DHRS7: variants seen among roughly 807,000 people sequenced by gnomAD.
DHRS7 encodes the protein dehydrogenase/reductase SDR family member 7.
Under a neutral mutation model 38.9 loss-of-function variants are expected in DHRS7, and 34 were observed. That is an observed-to-expected ratio of 0.87 (90% CI 0.66 to 1.16). The LOEUF (loss-of-function observed/expected upper bound fraction) is 1.16, where lower values mean the gene tolerates loss of function less well. Ranked by LOEUF, DHRS7 falls within the 50% of genes most tolerant of loss-of-function variation. The probability of loss-of-function intolerance (pLI) is 0.00; values close to 1 mark genes in which losing one functional copy is unlikely to be tolerated. For synonymous variants in DHRS7, 158 were observed against 153.1 expected (o/e 1.03, Z -0.24); for missense variants, 421 against 407.0 (o/e 1.03, Z -0.30).
upstream of DHRS7, chr14:60,166,271 T>G: frequency 1.0e-6 from 1 of 985,458 alleles, no homozygotes; most frequent in East Asian, 1.1e-4. Context: ...GGGTTTTCCA[T>G]TCACAAGCCT....
chr14:60,164,470 T>A (rs1385118124), intron 1 of DHRS7, among the ~76,000 whole-genome samples: 2 of 152,172 alleles, frequency 1.3e-5, no homozygotes, highest in Non-Finnish European at 2.9e-5. Flanking sequence ...TAATAATGCC[T>A]ACCTTGTAAG....
rs533163146 is a variant in DHRS7 at position 60,146,673 on chromosome 14, G to A, written c.973-1660C>T. 7.3e-6 allele frequency: 1 copy of A among 136,640 alleles called. No homozygotes were observed. The highest frequency in any genetic ancestry group is 2.2e-4 in the East Asian group (1 of 4,622). The allele number at this position is 136,640 out of a possible 1,614,324, so 8.5% of individuals were successfully genotyped here. A position where few individuals can be genotyped will look rare whatever the true frequency, so the allele number is the denominator to read the frequency against. On this transcript the variant is annotated intron_variant, in intron 6 of 6. Transcript: ENST00000557185. The surrounding 1 kb of genome is among the most constrained non-coding windows in gnomAD (Gnocchi z 4.9). Reference sequence around the variant, plus strand: ...GAATGAATGGATAAAGAAAATGTGTGTGTGTGTCTGTGTGTGTATATATAT... The same window carrying A: ...GAATGAATGGATAAAGAAAATGTGTATGTGTGTCTGTGTGTGTATATATAT...
intron 4 of DHRS7, among the ~76,000 whole-genome samples, chr14:60,151,235 C>T (rs547108385): frequency 6.6e-6 from 1 of 152,250 alleles, no homozygotes; most frequent in African/African-American, 2.4e-5. Context: ...TACTGAATGA[C>T]TTGTGTAAAA....
upstream of DHRS7, among the ~76,000 whole-genome samples, chr14:60,167,685 T>C (rs565025742): frequency 2.6e-5 from 4 of 152,158 alleles, no homozygotes; most frequent in African/African-American, 7.2e-5. Flanking sequence ...AAAGAGTGAG[T>C]GGAAACTGTG....
chr14:60,165,258 G>A lies in DHRS7; in HGVS notation c.52C>T (p.Leu18Phe). Residue 18 changes from leucine to phenylalanine, a missense_variant, in exon 1 of 7, where the codon CTC becomes TTC. Coordinates refer to ENST00000557185, the MANE Select transcript of DHRS7 (RefSeq NM_016029.4). This position sits in a 1 kb window ranked among gnomAD's most constrained non-coding sequence, Gnocchi z 4.6. ...AGGAAGCGCAGCAGCTGCACCAAGAGCAGGAGCAGCGCGCACAGCACCAGC... is the reference window on the plus strand; with the variant it reads ...AGGAAGCGCAGCAGCTGCACCAAGAACAGGAGCAGCGCGCACAGCACCAGC... ...WLLVLCALLL[L>F]LVQLLRFLRA... 6.2e-7 allele frequency: 1 copy of A among 1,606,620 alleles called. No homozygotes were observed. The highest frequency in any genetic ancestry group is 2.2e-5 in the East Asian group (1 of 44,702).
chr14:60,165,268 C>G lies in DHRS7; in HGVS notation c.42G>C (p.Ala14=), dbSNP rs754935667. Residue 14 remains alanine, a synonymous_variant, in exon 1 of 7, where the codon GCG becomes GCC. Transcript: ENST00000557185. The surrounding 1 kb of genome is among the most constrained non-coding windows in gnomAD (Gnocchi z 4.6). ...GCAGCTGCACCAAGAGCAGGAGCAG[C>G]GCGCACAGCACCAGCAGCCACAGCA... ...ELLLWLLVLC[A]LLLLLVQLLR... is the part of the protein sequence containing the mutation. 1 of 1,603,232 alleles carries G rather than the reference C, an allele frequency of 6.2e-7. No homozygotes were observed. The highest frequency in any genetic ancestry group is 8.5e-7 in the Non-Finnish European group (1 of 1,177,188).
chr14:60,167,962 G>A (rs1337647615), upstream of DHRS7, among the ~76,000 whole-genome samples: 1 of 152,102 alleles, frequency 6.6e-6, no homozygotes, highest in African/African-American at 2.4e-5. Flanking sequence ...ACCTGGCCAC[G>A]GTGGAGAGGA....
chr14:60,147,330 C>T (rs1172015647), intron 6 of DHRS7: 1 of 152,114 alleles, frequency 6.6e-6, no homozygotes, highest in Admixed American at 6.5e-5. Flanking sequence ...CGCATGGTGA[C>T]TACAGTTAAT....
rs759581872 is a variant in DHRS7, at chr14:60,156,928, C to A, written c.134-776G>T. On this transcript the variant is annotated intron_variant, in intron 1 of 6. Coordinates refer to ENST00000557185, the MANE Select transcript of DHRS7 (RefSeq NM_016029.4). The stretch of plus-strand genomic sequence containing the variant: ...CTAAAGCAATGACAAATGGTTTATT[C>A]TTTTCTCCAATGAAAAACTTATTAG... Among the ~76,000 whole-genome samples, 5 of 152,164 alleles carry A rather than the reference C, an allele frequency of 3.3e-5. 1 individual carries two copies. The highest frequency in any genetic ancestry group is 4.1e-4 in the South Asian group (2 of 4,828).
At chr14:60,152,681 C>A (rs896221617) in intron 4 of DHRS7, 24 of 482,360 alleles carry the variant, frequency 5.0e-5, no homozygotes, top group Admixed American at 1.8e-4. Flanking sequence ...ATCTTATTAT[C>A]TTTATATCCC....
At chr14:60,149,208 A>C in intron 6 of DHRS7, 145 bp downstream of exon 6, 1 of 716,444 alleles carries the variant, frequency 1.4e-6, no homozygotes, top group East Asian at 2.7e-5. Flanking sequence ...CCTGGCCTCA[A>C]GTGATCTGCC....
chr14:60,156,215 AT>A, intron 1 of DHRS7, 63 bp from the exon 2 acceptor site: 1 of 1,341,748 alleles, frequency 7.5e-7, no homozygotes, highest in Non-Finnish European at 9.7e-7. Context: ...TAAATCCAAG[AT>A]TAGAAAAAAA....
At chr14:60,155,397 C>G (rs1040659894) in intron 2 of DHRS7, among the ~76,000 whole-genome samples, 1 of 152,092 alleles carries the variant, frequency 6.6e-6, no homozygotes, top group African/African-American at 2.4e-5. Context: ...TGCAATGAGC[C>G]AAGATCACAC....
At chr14:60,156,289 A>G in intron 1 of DHRS7, 137 bp from the exon 2 acceptor site, 1 of 697,360 alleles carries the variant, frequency 1.4e-6, no homozygotes, top group South Asian at 4.9e-5. Flanking sequence ...AAAATTTGAA[A>G]TATTCTAAGA....
At chr14:60,169,348 C>T (rs146945798), upstream of DHRS7, among the ~76,000 whole-genome samples, 399 of 152,274 alleles carry the variant, frequency 2.6e-3, 1 homozygote, top group Admixed American at 4.9e-3. Flanking sequence ...CCATGTATTT[C>T]CCTCCCAGGT....
intron 1 of DHRS7, among the ~76,000 whole-genome samples, chr14:60,163,578 C>G (rs1031228760): frequency 1.3e-5 from 2 of 152,190 alleles, no homozygotes; most frequent in African/African-American, 4.8e-5. Context: ...ATCCTTCAAA[C>G]TGTTCTTTTC....
upstream of DHRS7, among the ~76,000 whole-genome samples, chr14:60,168,091 G>A (rs566213499): frequency 1.3e-5 from 2 of 152,192 alleles, no homozygotes; most frequent in East Asian, 3.9e-4. Flanking sequence ...AGGCAGACAA[G>A]GTCTTACCTA....
upstream of DHRS7, chr14:60,165,404 G>A: frequency 1.4e-6 from 2 of 1,475,626 alleles, no homozygotes; most frequent in African/African-American, 1.4e-5. The surrounding 1 kb of genome is among the most constrained non-coding windows in gnomAD (Gnocchi z 4.6). Flanking sequence ...CCTTCGGCCA[G>A]CCCAGAGCCG....
At chr14:60,168,987 A>T (rs1896899035), upstream of DHRS7, 1 of 378,890 alleles carries the variant, frequency 2.6e-6, no homozygotes, top group Admixed American at 4.5e-5. Flanking sequence ...CATACATTGC[A>T]CCGAGGCTGA....
Sources: gnomAD v4.1 joint callset for allele counts (sites outside exome capture counted in the v4.1 genomes callset) on GRCh38, gnomAD v4.1.1 for gene constraint, Gnocchi (gnomAD v3.1) non-coding constraint, MANE v1.5 for transcripts, NCBI Gene and HGNC (gene_info 2026-07-23, HGNC 2026-07-21) for gene names.